The following PCCA variants were observed in gnomAD, a reference collection of about 807,000 sequenced individuals.
PCCA encodes the protein propionyl-CoA carboxylase alpha chain, mitochondrial.
Under a neutral mutation model 101.3 loss-of-function variants are expected in PCCA, and 74 were observed. The ratio of observed to expected loss-of-function variants is 0.73; its 90% CI spans 0.61 to 0.89. The LOEUF (loss-of-function observed/expected upper bound fraction) is 0.89, where lower values mean the gene tolerates loss of function less well. Among genes scored for constraint, PCCA ranks in the 40% least tolerant of loss-of-function variants. The pLI, the probability that PCCA is intolerant of heterozygous loss-of-function variation, is 0.00. For missense variants in PCCA, 891 were observed against 907.0 expected, an observed-to-expected ratio of 0.98 and a Z score of 0.23; for synonymous variants, 294 against 313.6, an observed-to-expected ratio of 0.94 and a Z score of 0.66.
chr13:100,146,137 T>C (rs12561161), intron 4 of PCCA, among the ~76,000 whole-genome samples: 104,944 of 150,310 alleles, frequency 0.7, 37,693 homozygotes, highest in African/African-American at 0.87. Context: ...GATGGGGTTT[T>C]GCCATGCTGG....
intron 12 of PCCA, among the ~76,000 whole-genome samples, chr13:100,281,174 C>T (rs2064082040): frequency 1.3e-5 from 2 of 152,130 alleles, no homozygotes; most frequent in African/African-American, 4.8e-5. Context: ...TAAAGTGCTT[C>T]CTTTAAGTGA....
intron 7 of PCCA, among the ~76,000 whole-genome samples, chr13:100,222,143 C>T (rs867607395): frequency 1.1e-4 from 17 of 152,076 alleles, no homozygotes; most frequent in African/African-American, 4.1e-4. Context: ...TGGGTTCAAG[C>T]GATTCTCCTG....
At chr13:100,315,169 A>G (rs2152705824) in intron 16 of PCCA, among the ~76,000 whole-genome samples, 1 of 152,292 alleles carries the variant, frequency 6.6e-6, no homozygotes, top group Middle Eastern at 3.4e-3. Flanking sequence ...TAGAACCTCC[A>G]TATATAGTAA....
rs144571420 is a variant in PCCA, at chr13:100,339,201, T to C, written c.1541-956T>C. Among the ~76,000 whole-genome samples the C allele has an allele frequency of 2.8e-3, 432 of 152,290 alleles. 1 individual carries two copies. Among genetic ancestry groups the C allele is most frequent in the African/African-American group, 1.0e-2 (414 of 41,556 alleles). On this transcript the variant is annotated intron_variant, in intron 17 of 23. Coordinates refer to ENST00000376285, the MANE Select transcript of PCCA (RefSeq NM_000282.4). ...GTAAATCATTGTTATACTGCATTGC[T>C]TTGAGGAAAATGACAAGAAAAAAAA...
At chr13:100,519,721 T>C (rs1176067058) in intron 22 of PCCA, among the ~76,000 whole-genome samples, 1 of 152,226 alleles carries the variant, frequency 6.6e-6, no homozygotes, top group Non-Finnish European at 1.5e-5. Context: ...ACTGGCAAAC[T>C]TGGTGAGATA....
At position 100,113,858 on chromosome 13, in the gene PCCA, C is replaced by T. The variant is rs755215596; in HGVS notation, c.300+1797C>T. On this transcript the variant is annotated intron_variant, in intron 4 of 23. Coordinates refer to ENST00000376285, the MANE Select transcript of PCCA (RefSeq NM_000282.4). Reference sequence around the variant, plus strand: ...CCTCCCAACGTGCTGGGATTACAAGCGTGAGCCACCACGCCCGGTTTACTC... The same window carrying T: ...CCTCCCAACGTGCTGGGATTACAAGTGTGAGCCACCACGCCCGGTTTACTC... Among the ~76,000 whole-genome samples the T allele has an allele frequency of 7.9e-5, 12 of 152,162 alleles. 1 individual carries two copies. In the South Asian group the frequency reaches 1.0e-3, roughly 13 times the overall value.
At chr13:100,356,220 A>G (rs941648039) in intron 18 of PCCA, among the ~76,000 whole-genome samples, 2 of 152,172 alleles carry the variant, frequency 1.3e-5, no homozygotes, top group Non-Finnish European at 2.9e-5. Flanking sequence ...AATTTCTTAC[A>G]TAAGATGTCA....
intron 18 of PCCA, among the ~76,000 whole-genome samples, chr13:100,352,442 G>T (rs1363519474): frequency 6.8e-6 from 1 of 146,962 alleles, no homozygotes; most frequent in Non-Finnish European, 1.5e-5. Context: ...CTATCACCCA[G>T]TCTGGAGTGC....
chr13:100,450,090 A>G (rs959053237), intron 21 of PCCA, among the ~76,000 whole-genome samples: 1 of 152,204 alleles, frequency 6.6e-6, no homozygotes, highest in Non-Finnish European at 1.5e-5. Flanking sequence ...TTGTTTAAAA[A>G]GGTACCTTAT....
chr13:100,307,045 T>C, intron 14 of PCCA, 147 bp from the exon 15 acceptor site: 1 of 661,214 alleles, frequency 1.5e-6, no homozygotes. Flanking sequence ...ATCAAGATTT[T>C]AGATTGTTTT....
At chr13:100,326,276 T>C (rs1253049596) in intron 16 of PCCA, among the ~76,000 whole-genome samples, 1 of 152,114 alleles carries the variant, frequency 6.6e-6, no homozygotes, top group Non-Finnish European at 1.5e-5. Context: ...CAAGAGCGGA[T>C]AGACACCACA....
Position 100,496,521 on chromosome 13 carries a change from C to T in PCCA, c.1900-18906C>T, listed in dbSNP as rs1325427636. Among the ~76,000 whole-genome samples the T allele has an allele frequency of 2.6e-5, 4 of 151,910 alleles. No individual in the cohort carries two copies. In the East Asian group the frequency reaches 7.7e-4, roughly 29 times the overall value. On this transcript the variant is annotated intron_variant, in intron 21 of 23. Coordinates refer to ENST00000376285, the MANE Select transcript of PCCA (RefSeq NM_000282.4). ...AACGGTGGTGCTGCTGCGTTGTCCT[C>T]GTTGTCCCCTCTCGGGAGGCGCATG... is the stretch of plus-strand genomic sequence containing the variant.
At chr13:100,175,485 C>T (rs1306045656) in intron 6 of PCCA, among the ~76,000 whole-genome samples, 1 of 152,120 alleles carries the variant, frequency 6.6e-6, no homozygotes, top group Non-Finnish European at 1.5e-5. Flanking sequence ...TTGCAGCTAG[C>T]ATCTTTAATT....
intron 19 of PCCA, among the ~76,000 whole-genome samples, chr13:100,375,776 C>G (rs568560299): frequency 2.6e-5 from 4 of 152,282 alleles, no homozygotes; most frequent in African/African-American, 9.6e-5. Context: ...ATGACAGGAT[C>G]AAATTCACAC....
rs563188887 is a variant in PCCA at position 100,165,879 on chromosome 13, G to T, written c.468+8539G>T. ...AGCCTGGGTGACAGAGCAAGACCCT[G>T]TCTCAAAAAAATAAATAAGTAAATA... On this transcript the variant is annotated intron_variant, in intron 6 of 23. Coordinates refer to ENST00000376285, the MANE Select transcript of PCCA (RefSeq NM_000282.4). Among the ~76,000 whole-genome samples, 3 of 152,052 alleles carry T rather than the reference G, an allele frequency of 2.0e-5. No homozygotes were observed. In the East Asian group the frequency reaches 5.8e-4, roughly 29 times the overall value.
intron 20 of PCCA, among the ~76,000 whole-genome samples, chr13:100,441,573 T>G (rs2152917442): frequency 6.6e-6 from 1 of 152,336 alleles, no homozygotes; most frequent in Admixed American, 6.5e-5. Context: ...AAAGTATTTT[T>G]TAAAGAAATA....
intron 16 of PCCA, among the ~76,000 whole-genome samples, chr13:100,312,568 A>C (rs368799489): frequency 2.1e-4 from 32 of 152,230 alleles, no homozygotes; most frequent in East Asian, 1.5e-3. Context: ...TGACCCAGCT[A>C]TTCATCTTTT....
intron 1 of PCCA, among the ~76,000 whole-genome samples, chr13:100,101,096 C>G (rs147372344): frequency 6.6e-6 from 1 of 152,320 alleles, no homozygotes; most frequent in African/African-American, 2.4e-5. Context: ...AGCCACCGTG[C>G]CCGGCCCGAG....
chr13:100,230,263 G>C (rs916882356), intron 7 of PCCA, among the ~76,000 whole-genome samples: 1 of 152,094 alleles, frequency 6.6e-6, no homozygotes, highest in Non-Finnish European at 1.5e-5. Context: ...AAAGTGGCAG[G>C]CTGGGCGCGG....
Sources: allele counts gnomAD v4.1 joint callset (sites outside exome capture counted in the v4.1 genomes callset), GRCh38; gene constraint gnomAD v4.1.1; transcripts MANE v1.5; gene names NCBI Gene and HGNC (gene_info 2026-07-23, HGNC 2026-07-21).